The following PDCD1LG2 variants were observed in gnomAD, a reference collection of about 807,000 sequenced individuals.
PDCD1LG2 encodes the protein programmed cell death 1 ligand 2, also known as B7 dendritic cell molecule.
In PDCD1LG2, 32 loss-of-function variants were observed where a neutral mutation model predicts 28.2. The observed-to-expected ratio is 1.13, with a 90% confidence interval of 0.86 to 1.52. The LOEUF (loss-of-function observed/expected upper bound fraction) is 1.52, where lower values mean the gene tolerates loss of function less well. Among genes scored for constraint, PDCD1LG2 ranks in the 40% most tolerant of loss-of-function variants. The pLI, the probability that PDCD1LG2 is intolerant of heterozygous loss-of-function variation, is 0.00. For missense variants in PDCD1LG2, 385 were observed against 323.8 expected (o/e 1.19, Z -1.45); for synonymous variants, 116 against 120.2 (o/e 0.97, Z 0.23).
Position 5,534,872 on chromosome 9 carries a change from G to C in PDCD1LG2, c.183G>C (p.Lys61Asn), listed in dbSNP as rs1173944780. 1.5e-5 allele frequency: 25 copies of C among 1,614,182 alleles called. No homozygotes were observed. The highest frequency in any genetic ancestry group is 2.1e-5 in the Non-Finnish European group (25 of 1,180,020). The change falls in exon 3 of 7, where the codon AAG becomes AAC. Residue 61 changes from lysine to asparagine, a missense_variant. By Grantham distance (94) the Lys-to-Asn change is moderately conservative. Transcript: ENST00000397747. ...GAGCAATAACAGCCAGTTTGCAAAAGGTGGAAAATGATACATCCCCACACC... is the reference window on the plus strand; with the variant it reads ...GAGCAATAACAGCCAGTTTGCAAAACGTGGAAAATGATACATCCCCACACC... ...NLGAITASLQ[K>N]VENDTSPHRE...
chr9:5,525,204 C>G (rs1820349011), intron 2 of PDCD1LG2, among the ~76,000 whole-genome samples: 1 of 151,876 alleles, frequency 6.6e-6, no homozygotes, highest in Non-Finnish European at 1.5e-5. Context: ...AAAATATTAG[C>G]CGGGCATGGT....
chr9:5,538,275 G>T (rs1289663430), intron 3 of PDCD1LG2, among the ~76,000 whole-genome samples: 1 of 151,802 alleles, frequency 6.6e-6, no homozygotes, highest in Non-Finnish European at 1.5e-5. Context: ...ATTCCAGCAT[G>T]TTTCATACAT....
At chr9:5,531,392 G>A (rs936356348) in intron 2 of PDCD1LG2, among the ~76,000 whole-genome samples, 6 of 152,158 alleles carry the variant, frequency 3.9e-5, no homozygotes, top group African/African-American at 1.4e-4. Context: ...TTTACTTGGG[G>A]CAAAATTAGA....
chr9:5,535,027 A>G lies in PDCD1LG2; in HGVS notation c.338A>G (p.Lys113Arg), dbSNP rs1278359739. 6.2e-7 allele frequency: 1 copy of G among 1,610,470 alleles called. No individual in the cohort carries two copies. Among genetic ancestry groups the G allele is most frequent in the South Asian group, 1.1e-5 (1 of 90,912 alleles). ...IIIYGVAWDY[K>R]YLTLKVKASY... Reference sequence around the variant, plus strand: ...ATCTATGGGGTCGCCTGGGACTACAAGTACCTGACTCTGAAAGTCAAAGGT... The same window carrying G: ...ATCTATGGGGTCGCCTGGGACTACAGGTACCTGACTCTGAAAGTCAAAGGT... The change falls in exon 3 of 7, where the codon AAG becomes AGG. Residue 113 changes from lysine to arginine, a missense_variant. Physicochemically the swap from Lys to Arg is conservative, Grantham distance 26. Transcript: ENST00000397747.
At chr9:5,517,183 G>A (rs1446126415) in intron 1 of PDCD1LG2, among the ~76,000 whole-genome samples, 1 of 152,234 alleles carries the variant, frequency 6.6e-6, no homozygotes, top group Non-Finnish European at 1.5e-5. Context: ...TGTTGGGAAT[G>A]CTGGGGTAGG....
rs900574856 is a variant in PDCD1LG2, at chr9:5,534,927, C to G, written c.238C>G (p.Leu80Val). The G allele has an allele frequency of 1.9e-6, 3 of 1,614,142 alleles. No individual in the cohort carries two copies. The highest frequency in any genetic ancestry group is 1.7e-5 in the Admixed American group (1 of 60,020). Residue 80 changes from leucine (L) to valine (V), a missense_variant, in exon 3 of 7, where the codon CTG becomes GTG. By Grantham distance (32) the Leu-to-Val change is conservative. Transcript: ENST00000397747. The part of the protein sequence containing the change: ...RERATLLEEQ[L>V]PLGKASFHIP... ...AAGAGCCACTTTGCTGGAGGAGCAGCTGCCCCTAGGGAAGGCCTCGTTCCA... is the reference window on the plus strand; with the variant it reads ...AAGAGCCACTTTGCTGGAGGAGCAGGTGCCCCTAGGGAAGGCCTCGTTCCA...
intron 2 of PDCD1LG2, among the ~76,000 whole-genome samples, chr9:5,533,220 C>A (rs900069397): frequency 6.6e-6 from 1 of 152,168 alleles, no homozygotes; most frequent in Non-Finnish European, 1.5e-5. Flanking sequence ...TCAAGATTTT[C>A]CTATACCTCC....
intron 5 of PDCD1LG2, among the ~76,000 whole-genome samples, chr9:5,558,692 T>G (rs1431829706): frequency 2.0e-5 from 3 of 152,258 alleles, no homozygotes; most frequent in Non-Finnish European, 2.9e-5. Context: ...TATTGTCATG[T>G]TCTATTTGTC....
At chr9:5,542,405 C>A (rs929121128) in intron 3 of PDCD1LG2, among the ~76,000 whole-genome samples, 2 of 152,202 alleles carry the variant, frequency 1.3e-5, no homozygotes, top group Non-Finnish European at 2.9e-5. Flanking sequence ...AGACAACCCA[C>A]AGAGTGGGAG....
At chr9:5,540,641 T>C (rs569402369) in intron 3 of PDCD1LG2, among the ~76,000 whole-genome samples, 34 of 146,034 alleles carry the variant, frequency 2.3e-4, no homozygotes, top group Middle Eastern at 3.4e-3. Flanking sequence ...CCTGGAAATA[T>C]ACAACCCTTC....
At position 5,557,657 on chromosome 9, in the gene PDCD1LG2, A is replaced by C. The variant is rs1010445175; in HGVS notation, c.671A>C (p.His224Pro). Reference sequence around the variant, plus strand: ...AGGACCCATCCAACTTGGCTGCTTCACATTTTCATCCCCTTCTGCATCATT... The same window carrying C: ...AGGACCCATCCAACTTGGCTGCTTCCCATTTTCATCCCCTTCTGCATCATT... ...EPRTHPTWLL[H>P]IFIPFCIIAF... is the part of the protein sequence containing the mutation. The change falls in exon 5 of 7, where the codon CAC becomes CCC. Residue 224 changes from histidine (H) to proline (P), a missense_variant. His to Pro is a moderately conservative substitution (Grantham distance 77). Transcript: ENST00000397747. 4 of 1,613,826 alleles carry C rather than the reference A, an allele frequency of 2.5e-6. No individual in the cohort carries two copies. The African/African-American group carries it at 5.3e-5, about 22-fold the overall frequency.
chr9:5,538,695 G>GAAA (rs530647859), intron 3 of PDCD1LG2, among the ~76,000 whole-genome samples: 3 of 90,168 alleles, frequency 3.3e-5, no homozygotes, highest in South Asian at 3.5e-4. Context: ...CTCAAAAAAA[G>GAAA]AAAAAAAAAA....
chr9:5,512,347 T>C (rs1820077864), intron 1 of PDCD1LG2, among the ~76,000 whole-genome samples: 1 of 152,202 alleles, frequency 6.6e-6, no homozygotes, highest in Non-Finnish European at 1.5e-5. Context: ...CTAGCCCCAG[T>C]CACCTCTGAT....
At chr9:5,556,662 G>C (rs907278351) in intron 4 of PDCD1LG2, among the ~76,000 whole-genome samples, 1 of 152,154 alleles carries the variant, frequency 6.6e-6, no homozygotes, top group Non-Finnish European at 1.5e-5. Context: ...GAAGTTGGGA[G>C]GACTGAGCCC....
At chr9:5,514,775 A>G (rs975624471) in intron 1 of PDCD1LG2, among the ~76,000 whole-genome samples, 2 of 128,054 alleles carry the variant, frequency 1.6e-5, no homozygotes, top group African/African-American at 2.9e-5. Context: ...CTCTAAAGAA[A>G]AAAAAAAAAA....
At chr9:5,568,583 T>C (rs910852952) in intron 6 of PDCD1LG2, among the ~76,000 whole-genome samples, 2 of 152,224 alleles carry the variant, frequency 1.3e-5, no homozygotes, top group African/African-American at 2.4e-5. Context: ...TGCTCTAAGA[T>C]ACCTTGTGCT....
chr9:5,563,918 T>C (rs1344714089), intron 6 of PDCD1LG2, among the ~76,000 whole-genome samples: 2 of 152,182 alleles, frequency 1.3e-5, no homozygotes, highest in Non-Finnish European at 2.9e-5. Context: ...TGGGAGATAA[T>C]CAGCTTTACT....
chr9:5,543,957 A>G (rs1820744221), intron 3 of PDCD1LG2, among the ~76,000 whole-genome samples: 1 of 152,230 alleles, frequency 6.6e-6, no homozygotes, highest in Non-Finnish European at 1.5e-5. Context: ...AATTGAAAGC[A>G]GTCCTAAAAG....
chr9:5,510,609 T>A lies in PDCD1LG2; in HGVS notation c.-209T>A, dbSNP rs756100709. ...ATATATCTTAACGCCAAATTTTGAG[T>A]GCTTTTTTGTTACCCATCCTCATAT... is the stretch of plus-strand genomic sequence containing the variant. On this transcript the variant is annotated 5_prime_UTR_variant, in exon 1 of 7. Coordinates refer to ENST00000397747, the MANE Select transcript of PDCD1LG2 (RefSeq NM_025239.4). The A allele has an allele frequency of 2.0e-5, 3 of 152,626 alleles. No homozygotes were observed. The highest frequency in any genetic ancestry group is 4.4e-5 in the Non-Finnish European group (3 of 68,052). 9.5% of individuals were successfully genotyped at this position (152,626 alleles called of 1,614,324 possible).
Sources: allele counts gnomAD v4.1 joint callset (sites outside exome capture counted in the v4.1 genomes callset), GRCh38; gene constraint gnomAD v4.1.1; transcripts MANE v1.5; gene names NCBI Gene and HGNC (gene_info 2026-07-23, HGNC 2026-07-21).